The following NCALD variants were observed in gnomAD, a reference collection of about 807,000 sequenced individuals.
The protein encoded by NCALD is neurocalcin-delta.
NCALD carries 10 observed loss-of-function variants against 18.6 expected under a neutral mutation model. The ratio of observed to expected loss-of-function variants is 0.54; its 90% CI spans 0.33 to 0.91. The LOEUF is 0.91. NCALD is among the 40% of genes least tolerant of loss of function. NCALD has a pLI of 0.03. For missense variants in NCALD, 184 were observed against 247.6 expected, an observed-to-expected ratio of 0.74 and a Z score of 1.72; for synonymous variants, 88 against 87.4, an observed-to-expected ratio of 1.01 and a Z score of -0.04.
At chr8:101,768,550 A>T (rs1811445361) in intron 1 of NCALD, among the ~76,000 whole-genome samples, 2 of 152,194 alleles carry the variant, frequency 1.3e-5, no homozygotes, top group Admixed American at 6.5e-5. Flanking sequence ...CTCTACTAAA[A>T]ATACAAAAAT....
intron 2 of NCALD, among the ~76,000 whole-genome samples, chr8:101,969,938 C>T (rs948856238): frequency 2.0e-5 from 3 of 151,386 alleles, no homozygotes; most frequent in Non-Finnish European, 4.4e-5. Flanking sequence ...TGTGTGTGTG[C>T]ACACACATGT....
chr8:102,068,126 C>T (rs530100618), intron 1 of NCALD, among the ~76,000 whole-genome samples: 29 of 152,282 alleles, frequency 1.9e-4, no homozygotes, highest in Non-Finnish European at 3.8e-4. Flanking sequence ...AGAGAGAATA[C>T]TTCGTGTATT....
At chr8:102,115,972 G>A (rs1587115764) in intron 1 of NCALD, among the ~76,000 whole-genome samples, 1 of 152,140 alleles carries the variant, frequency 6.6e-6, no homozygotes, top group South Asian at 2.1e-4. Flanking sequence ...TATTTCAGAA[G>A]TAAAGGACGG....
chr8:101,901,967 T>C (rs1817441272), intron 3 of NCALD, among the ~76,000 whole-genome samples: 2 of 152,106 alleles, frequency 1.3e-5, no homozygotes, highest in African/African-American at 4.8e-5. Flanking sequence ...AGTTTTGTAT[T>C]TTTAGTAGAG....
chr8:102,071,269 T>C (rs899796948), intron 1 of NCALD, among the ~76,000 whole-genome samples: 8 of 152,142 alleles, frequency 5.3e-5, no homozygotes, highest in African/African-American at 1.9e-4. Context: ...TAAAAATGTA[T>C]CAACTCATAA....
At chr8:101,761,437 A>AT (rs1435647132) in intron 1 of NCALD, among the ~76,000 whole-genome samples, 1 of 151,876 alleles carries the variant, frequency 6.6e-6, no homozygotes, top group Non-Finnish European at 1.5e-5. Context: ...GCCCTGTGAC[A>AT]TTTTTTTTCC....
intron 4 of NCALD, among the ~76,000 whole-genome samples, chr8:101,830,790 G>A (rs1814151741): frequency 6.7e-6 from 1 of 150,246 alleles, no homozygotes; most frequent in Non-Finnish European, 1.5e-5. Flanking sequence ...TCCCAGGCTG[G>A]AGTGCAGTGG....
intron 1 of NCALD, among the ~76,000 whole-genome samples, chr8:102,089,977 AATCTT>A (rs1325544799): frequency 2.0e-5 from 3 of 152,248 alleles, no homozygotes; most frequent in Admixed American, 6.5e-5. Flanking sequence ...GGTTTATAAG[AATCTT>A]ATCTTATGGT....
At chr8:102,027,766 T>C (rs1391345730) in intron 1 of NCALD, among the ~76,000 whole-genome samples, 1 of 152,326 alleles carries the variant, frequency 6.6e-6, no homozygotes, top group East Asian at 1.9e-4. Flanking sequence ...CTCACAGTTA[T>C]GCAGGGCTGG....
chr8:102,123,460 G>GAAAAAAA (rs5893600), intron 1 of NCALD, among the ~76,000 whole-genome samples: 2 of 140,154 alleles, frequency 1.4e-5, no homozygotes, highest in Non-Finnish European at 1.5e-5. Flanking sequence ...TGCAGCATTA[G>GAAAAAAA]AAAAAAAAAA....
chr8:102,096,269 T>C (rs760053624), intron 1 of NCALD, among the ~76,000 whole-genome samples: 2 of 152,240 alleles, frequency 1.3e-5, no homozygotes, highest in African/African-American at 4.8e-5. Flanking sequence ...CTCTCTTGAC[T>C]GTAGGTGGCC....
chr8:101,906,070 T>C (rs1817601286), intron 3 of NCALD, among the ~76,000 whole-genome samples: 1 of 152,214 alleles, frequency 6.6e-6, no homozygotes, highest in African/African-American at 2.4e-5. Flanking sequence ...CCATCAATTA[T>C]GGGTGATGTC....
At position 102,006,639 on chromosome 8, in the gene NCALD, C is replaced by T. The variant is rs570569972; in HGVS notation, c.-157+13598G>A. Among the ~76,000 whole-genome samples the T allele has an allele frequency of 2.3e-3, 354 of 152,290 alleles. 2 individuals are homozygous for T. The highest frequency in any genetic ancestry group is 8.0e-3 in the African/African-American group (331 of 41,558). ...AGTCCAGGGTCTGACCCCCTCCACT[C>T]CTCTGTACTTCAGAGTCTGGTGGTT... On this transcript the variant is annotated intron_variant, in intron 2 of 6. Coordinates refer to the NCALD transcript ENST00000311028.
chr8:101,885,760 A>C (rs1025592943), intron 4 of NCALD, among the ~76,000 whole-genome samples: 8 of 152,234 alleles, frequency 5.3e-5, no homozygotes, highest in African/African-American at 1.9e-4. Flanking sequence ...ACTAGAAGCC[A>C]ATAGCATCAT....
intron 3 of NCALD, among the ~76,000 whole-genome samples, chr8:101,899,588 A>G (rs1461089778): frequency 1.3e-5 from 2 of 151,922 alleles, no homozygotes; most frequent in East Asian, 1.9e-4. Flanking sequence ...AGTTTTTGCC[A>G]TGAATGTTGT....
chr8:102,100,047 C>T lies in NCALD; in HGVS notation c.-210+24190G>A, dbSNP rs545537158. Among the ~76,000 whole-genome samples, 6 of 150,640 alleles carry T rather than the reference C, an allele frequency of 4.0e-5. No individual in the cohort carries two copies. The South Asian group carries it at 8.5e-4, about 21-fold the overall frequency. The stretch of plus-strand genomic sequence containing the variant: ...AGTCTCTGAAAACTAAGAGCAAAAA[C>T]TTTGTTTTGTCCTTTCCATTTAATA... On this transcript the variant is annotated intron_variant, in intron 1 of 6. Coordinates refer to the NCALD transcript ENST00000311028.
intron 2 of NCALD, among the ~76,000 whole-genome samples, chr8:101,969,764 T>C (rs965507316): frequency 6.6e-6 from 1 of 152,246 alleles, no homozygotes. Flanking sequence ...TATTGAATCA[T>C]ATGAAATAAC....
intron 2 of NCALD, among the ~76,000 whole-genome samples, chr8:101,985,293 T>C (rs1820766681): frequency 6.6e-6 from 1 of 151,972 alleles, no homozygotes; most frequent in Non-Finnish European, 1.5e-5. Flanking sequence ...CCCCCCAGCC[T>C]CCACTCGACC....
chr8:102,051,035 T>A (rs1173521559), intron 1 of NCALD, among the ~76,000 whole-genome samples: 1 of 151,626 alleles, frequency 6.6e-6, no homozygotes, highest in East Asian at 1.9e-4. Flanking sequence ...CCAAAAAATG[T>A]CATACATGTT....
Sources: allele counts gnomAD v4.1 joint callset (sites outside exome capture counted in the v4.1 genomes callset), GRCh38; gene constraint gnomAD v4.1.1; transcripts MANE v1.5; gene names NCBI Gene and HGNC (gene_info 2026-07-23, HGNC 2026-07-21).